NOXA1: variants seen among roughly 807,000 people sequenced by gnomAD.
NOXA1 encodes NADPH oxidase activator 1, also known as NCF2-like protein.
Under a neutral mutation model 64.8 loss-of-function variants are expected in NOXA1, and 56 were observed. That is an observed-to-expected ratio of 0.86 (90% CI 0.70 to 1.08). The LOEUF (loss-of-function observed/expected upper bound fraction) is 1.08. Among genes scored for constraint, NOXA1 ranks in the 50% least tolerant of loss-of-function variants. The probability of loss-of-function intolerance (pLI) is 0.00; values close to 1 mark genes in which losing one functional copy is unlikely to be tolerated. For missense variants in NOXA1, 668 were observed against 658.5 expected (o/e 1.01, Z -0.16); for synonymous variants, 295 against 294.8 (o/e 1.00, Z -0.01).
intron 5 of NOXA1, among the ~76,000 whole-genome samples, chr9:137,430,429 G>C (rs904192932): frequency 3.3e-5 from 5 of 152,210 alleles, no homozygotes; most frequent in Non-Finnish European, 5.9e-5. Context: ...GCTGCGCCAC[G>C]GCCGACTCCT....
rs777722758 is a variant in NOXA1 at position 137,428,950 on chromosome 9, G to A, written c.438G>A (p.Arg146=). The A allele has an allele frequency of 3.9e-5, 62 of 1,599,732 alleles. No individual in the cohort carries two copies. The East Asian group carries it at 1.3e-3, about 33-fold the overall frequency. ...GLWTEAASSL[R]EAMSKWPEGS... ...GGACAGAGGCGGCCAGCAGCCTAAG[G>A]GAGGCCATGTCCAAGTGGCCGGAGG... The change falls in exon 4 of 14, where the codon AGG becomes AGA. Residue 146 remains arginine, a synonymous_variant. Transcript: ENST00000683555.
intron 1 of NOXA1, 70 bp from the exon 2 acceptor site, chr9:137,426,178 C>G: frequency 7.3e-7 from 1 of 1,375,072 alleles, no homozygotes. Flanking sequence ...TGTCACCCAT[C>G]ACGCTGTATC....
chr9:137,428,181 G>T (rs1356054867), intron 3 of NOXA1, 40 bp downstream of exon 3: 1 of 1,439,806 alleles, frequency 6.9e-7, no homozygotes, highest in Non-Finnish European at 9.5e-7. Flanking sequence ...TGGCTGTGGG[G>T]TGTCCACGGG....
rs1839216157 is a variant in NOXA1 at position 137,433,554 on chromosome 9, G to A, written c.1011G>A (p.Leu337=). 1 of 1,573,720 alleles carries A rather than the reference G, an allele frequency of 6.4e-7. No homozygotes were observed. The highest frequency in any genetic ancestry group is 2.3e-5 in the East Asian group (1 of 43,294). ...RARRGADLSS[L]RALLGQALPH... is the part of the protein sequence containing the mutation. ...GAAGAGGAGCCGACCTGTCCAGCCTGCGGGCACTGCTGGGCCAAGCCCTCC... is the reference window on the plus strand; with the variant it reads ...GAAGAGGAGCCGACCTGTCCAGCCTACGGGCACTGCTGGGCCAAGCCCTCC... The change falls in exon 11 of 14, where the codon CTG becomes CTA. Residue 337 remains leucine, a synonymous_variant. Transcript: ENST00000683555.
chr9:137,434,084 G>T lies in NOXA1; in HGVS notation c.1294+5G>T, dbSNP rs767025397. The T allele has an allele frequency of 1.4e-5, 22 of 1,584,274 alleles. 1 individual carries two copies. The African/African-American group carries it at 2.6e-4, about 18-fold the overall frequency. On this transcript the variant is annotated splice_donor_5th_base_variant and intron_variant, in intron 13 of 13. Transcript: ENST00000683555. ...CGGTGGACGTCCTGTGTGAAGGTAG[G>T]GTGGGCATGGCCCTTCCCAGGCAGC... is the stretch of plus-strand genomic sequence containing the variant.
rs1410283327 is a variant in NOXA1 at position 137,432,278 on chromosome 9, T to TAAAAAAAAAAAAAAA, written c.805-751_805-750insAAAAAAAAAAAAAAA. On this transcript the variant is annotated intron_variant, in intron 8 of 13. Coordinates refer to ENST00000683555, the MANE Select transcript of NOXA1 (RefSeq NM_001256067.2). ...CTGGGCAAGACAGCAAGACCCTGTC[T>TAAAAAAAAAAAAAAA]CAAAAAAAAAAAAAAAAAAAGCCAG... Among the ~76,000 whole-genome samples the TAAAAAAAAAAAAAAA allele has an allele frequency of 1.8e-5, 2 of 110,302 alleles. 1 individual carries two copies. The allele number at this position is 110,302 out of a possible 152,430, so 72.4% of individuals were successfully genotyped here.
Position 137,434,343 on chromosome 9 carries a change from C to A in NOXA1, c.1414C>A (p.Gln472Lys), listed in dbSNP as rs745600631. The A allele has an allele frequency of 1.9e-6, 3 of 1,600,876 alleles. No individual in the cohort carries two copies. Among genetic ancestry groups the A allele is most frequent in the Non-Finnish European group, 2.6e-6 (3 of 1,174,860 alleles). Residue 472 changes from glutamine (Q) to lysine (K), a missense_variant, in exon 14 of 14, where the codon CAG becomes AAG. Gln to Lys is a moderately conservative substitution (Grantham distance 53). Transcript: ENST00000683555. ...CCCCGGCCGCCTGCCCCGATCCCAG[C>A]AGGGAGATCAGCCCTAATGATGCTG... ...GAPGRLPRSQQGDQP is the reference protein window; with the variant it reads ...GAPGRLPRSQKGDQP
At chr9:137,430,150 G>T (rs1017664610) in intron 5 of NOXA1, among the ~76,000 whole-genome samples, 1 of 150,934 alleles carries the variant, frequency 6.6e-6, no homozygotes, top group African/African-American at 2.4e-5. Flanking sequence ...CCCTGGGGGG[G>T]TCCCTGTGTC....
intron 10 of NOXA1, 55 bp downstream of exon 10, chr9:137,433,318 G>C: frequency 1.3e-6 from 2 of 1,507,412 alleles, no homozygotes; most frequent in Non-Finnish European, 1.8e-6. Flanking sequence ...CTGAGGCCAA[G>C]CCCCATCCCT....
chr9:137,426,389 A>G, intron 2 of NOXA1, 59 bp downstream of exon 2: 1 of 1,361,006 alleles, frequency 7.3e-7, no homozygotes, highest in South Asian at 1.2e-5. Flanking sequence ...TGCAGAGTCC[A>G]CTCCTGCACC....
Position 137,431,155 on chromosome 9 carries a change from C to A in NOXA1, c.698+55C>A. On this transcript the variant is annotated intron_variant, in intron 7 of 13. Transcript: ENST00000683555. The surrounding 1 kb of genome is among the most constrained non-coding windows in gnomAD (Gnocchi z 5.6). ...GCGTGCCTTTCCTGCTGGGCAGAGG[C>A]CCTCCACATGGGGCCACGCGGGCCG... The A allele has an allele frequency of 6.2e-7, 1 of 1,612,160 alleles. No homozygotes were observed. The highest frequency in any genetic ancestry group is 8.5e-7 in the Non-Finnish European group (1 of 1,179,428).
At chr9:137,430,918 G>C in intron 6 of NOXA1, 75 bp downstream of exon 6, 2 of 1,551,878 alleles carry the variant, frequency 1.3e-6, no homozygotes, top group Non-Finnish European at 8.7e-7. Context: ...CACAAGCTCT[G>C]AGCCCTCCTG....
chr9:137,429,533 C>T (rs992823353), intron 5 of NOXA1, 150 bp downstream of exon 5: 50 of 611,528 alleles, frequency 8.2e-5, no homozygotes, highest in Middle Eastern at 8.0e-4. Flanking sequence ...CTGGCGCCCA[C>T]GGTAGGGGGG....
intron 8 of NOXA1, among the ~76,000 whole-genome samples, chr9:137,432,749 G>A (rs1363590888): frequency 6.6e-6 from 1 of 152,204 alleles, no homozygotes; most frequent in African/African-American, 2.4e-5. Flanking sequence ...CAGCTTCCTG[G>A]GGTCACTGGG....
At position 137,434,316 on chromosome 9, in the gene NOXA1, GC is replaced by G; in HGVS notation, c.1392del (p.Gly465AlafsTer?). Reference protein sequence around the residue: ...VVPAGPRMSGAPGRLPRSQQG... With the variant: ...VVPAGPRMSGXPGRLPRSQQG... ...CCCCGCCGGCCCTCGGATGTCAGGA[GC>G]CCCCGGCCGCCTGCCCCGATCCCAG... On this transcript the variant is annotated frameshift_variant, in exon 14 of 14. Transcript: ENST00000683555. LOFTEE classifies it low-confidence loss of function (END_TRUNC). The G allele has an allele frequency of 3.7e-6, 6 of 1,608,858 alleles. No individual in the cohort carries two copies. The highest frequency in any genetic ancestry group is 8.5e-7 in the Non-Finnish European group (1 of 1,178,678).
rs780852558 is a variant in NOXA1 at position 137,431,285 on chromosome 9, G to A, written c.748G>A (p.Asp250Asn). ...PRAGTHQGPL[D>N]AETEVGADRC... ...AGCTGGCACCCACCAGGGCCCCCTC[G>A]ATGCAGAGACAGAGGTCGGTGCTGA... The change falls in exon 8 of 14, where the codon GAT becomes AAT. Residue 250 changes from aspartate (D) to asparagine (N), a missense_variant. Coordinates refer to ENST00000683555, the MANE Select transcript of NOXA1 (RefSeq NM_001256067.2). The surrounding 1 kb of genome is among the most constrained non-coding windows in gnomAD (Gnocchi z 5.6). The A allele has an allele frequency of 3.7e-5, 59 of 1,612,520 alleles. No individual in the cohort carries two copies. Among genetic ancestry groups the A allele is most frequent in the African/African-American group, 6.7e-5 (5 of 74,934 alleles).
chr9:137,423,920 AG>A (rs1327372596), intron 1 of NOXA1, among the ~76,000 whole-genome samples: 1 of 151,958 alleles, frequency 6.6e-6, no homozygotes, highest in Admixed American at 6.6e-5. Context: ...CCGGGGCCCG[AG>A]GGTGACTCAC....
At chr9:137,428,533 T>G (rs544144440) in intron 3 of NOXA1, among the ~76,000 whole-genome samples, 436 of 151,750 alleles carry the variant, frequency 2.9e-3, no homozygotes, top group Middle Eastern at 0.027. Context: ...CCCTGAAGCC[T>G]TCTGGGAATA....
rs1588464221 is a variant in NOXA1 at position 137,428,772 on chromosome 9, A to C, written c.370-110A>C. 4.7e-6 allele frequency: 4 copies of C among 854,210 alleles called. No individual in the cohort carries two copies. The South Asian group carries it at 6.8e-5, about 15-fold the overall frequency. The allele number at this position is 854,210 out of a possible 1,614,324, so 52.9% of individuals were successfully genotyped here. Reference sequence around the variant, plus strand: ...GATGGGGGAGGGGCCAGGTGGGGGGACTGGGGGAGGGGCTGGGTGGGCAGA... The same window carrying C: ...GATGGGGGAGGGGCCAGGTGGGGGGCCTGGGGGAGGGGCTGGGTGGGCAGA... On this transcript the variant is annotated intron_variant, in intron 3 of 13. Coordinates refer to ENST00000683555, the MANE Select transcript of NOXA1 (RefSeq NM_001256067.2).
Sources: gnomAD v4.1 joint callset for allele counts (sites outside exome capture counted in the v4.1 genomes callset) on GRCh38, gnomAD v4.1.1 for gene constraint, Gnocchi (gnomAD v3.1) non-coding constraint, MANE v1.5 for transcripts, NCBI Gene and HGNC (gene_info 2026-07-23, HGNC 2026-07-21) for gene names.